Variants in VASH2 observed in about 807,000 individuals in gnomAD.
VASH2 encodes the protein tubulinyl-Tyr carboxypeptidase 2.
In VASH2, 28 loss-of-function variants were observed where a neutral mutation model predicts 37.2. The ratio of observed to expected loss-of-function variants is 0.75; its 90% CI spans 0.56 to 1.03. VASH2 has a LOEUF of 1.03. VASH2 is among the 50% of genes least tolerant of loss of function. The pLI is 0.00. For missense variants in VASH2, 419 were observed against 459.1 expected (o/e 0.91, Z 0.80); for synonymous variants, 188 against 174.7 (o/e 1.08, Z -0.60).
chr1:212,951,538 C>G lies in VASH2; in HGVS notation c.-5C>G, dbSNP rs1220428920. The G allele has an allele frequency of 6.7e-7, 1 of 1,494,770 alleles. No homozygotes were observed. Among genetic ancestry groups the G allele is most frequent in the Non-Finnish European group, 8.9e-7 (1 of 1,121,694 alleles). 92.6% of individuals were successfully genotyped at this position (1,494,770 alleles called of 1,614,324 possible). A position where few individuals can be genotyped will look rare whatever the true frequency, so the allele number is the denominator to read the frequency against. On this transcript the variant is annotated 5_prime_UTR_variant, in exon 2 of 8. Coordinates refer to ENST00000517399, the MANE Select transcript of VASH2 (RefSeq NM_001301056.2). This position sits in a 1 kb window ranked among gnomAD's most constrained non-coding sequence, Gnocchi z 4.4. The stretch of plus-strand genomic sequence containing the variant: ...CAGTACCTCGCTCCCCGCCCAGGCC[C>G]CACCATGACCGGCTCCGCGGCCGAC...
chr1:212,954,849 A>G (rs753801343), intron 2 of VASH2, among the ~76,000 whole-genome samples: 32 of 152,210 alleles, frequency 2.1e-4, no homozygotes, highest in Non-Finnish European at 3.1e-4. Context: ...GGCCCTAAAT[A>G]TAAAGAACTT....
chr1:212,982,319 C>A (rs1341960747), intron 7 of VASH2, among the ~76,000 whole-genome samples: 2 of 152,184 alleles, frequency 1.3e-5, no homozygotes, highest in African/African-American at 4.8e-5. Context: ...CAAAATGTTG[C>A]CGGAGAACCT....
intron 7 of VASH2, among the ~76,000 whole-genome samples, chr1:212,988,296 AC>A (rs1558155074): frequency 6.6e-6 from 1 of 152,224 alleles, no homozygotes; most frequent in African/African-American, 2.4e-5. Context: ...TCTGAACTCT[AC>A]ATTGAAAGTC....
chr1:212,979,217 C>T (rs1289519247), intron 7 of VASH2, among the ~76,000 whole-genome samples: 2 of 152,200 alleles, frequency 1.3e-5, no homozygotes, highest in Admixed American at 6.5e-5. Context: ...AGCTTCCACC[C>T]ATGGCCTTCG....
intron 7 of VASH2, among the ~76,000 whole-genome samples, chr1:212,978,120 T>C (rs1232574735): frequency 6.6e-6 from 1 of 152,190 alleles, no homozygotes; most frequent in Non-Finnish European, 1.5e-5. Flanking sequence ...CTCCCATGTT[T>C]GGGCCCCAGT....
chr1:212,978,402 G>A (rs574546863), intron 7 of VASH2, among the ~76,000 whole-genome samples: 11 of 152,240 alleles, frequency 7.2e-5, no homozygotes, highest in East Asian at 5.8e-4. Flanking sequence ...GGGAGTGGTC[G>A]GTCACTCGAG....
At chr1:212,969,744 C>T (rs1022946842) in intron 5 of VASH2, among the ~76,000 whole-genome samples, 3 of 152,168 alleles carry the variant, frequency 2.0e-5, no homozygotes, top group Non-Finnish European at 2.9e-5. Context: ...GCTTTCCACT[C>T]GGGGATAGTG....
intron 3 of VASH2, among the ~76,000 whole-genome samples, chr1:212,962,611 T>C (rs1449678522): frequency 1.3e-5 from 2 of 152,230 alleles, no homozygotes; most frequent in Non-Finnish European, 2.9e-5. Context: ...TGGTGTTTAC[T>C]AGATCGGAAA....
intron 5 of VASH2, among the ~76,000 whole-genome samples, chr1:212,970,998 ACT>A (rs1172116900): frequency 1.3e-5 from 2 of 151,060 alleles, no homozygotes; most frequent in East Asian, 3.9e-4. Flanking sequence ...CCACCGTTCT[ACT>A]CTCTGTCTGT....
At chr1:212,980,987 C>G (rs972628548) in intron 7 of VASH2, among the ~76,000 whole-genome samples, 4 of 152,168 alleles carry the variant, frequency 2.6e-5, no homozygotes, top group Admixed American at 6.5e-5. Context: ...TGGGCCTCAT[C>G]AGAAAAGACC....
chr1:212,974,285 C>T (rs562325170), intron 7 of VASH2, among the ~76,000 whole-genome samples: 17 of 152,244 alleles, frequency 1.1e-4, no homozygotes, highest in African/African-American at 3.1e-4. Flanking sequence ...TGCACACAAA[C>T]GGAGGGATAA....
At chr1:212,976,813 G>A (rs900813063) in intron 7 of VASH2, among the ~76,000 whole-genome samples, 2 of 152,224 alleles carry the variant, frequency 1.3e-5, no homozygotes, top group African/African-American at 2.4e-5. Flanking sequence ...TGGGAATGGG[G>A]AGAAAGACCA....
At chr1:212,977,583 G>A (rs1353840786) in intron 7 of VASH2, among the ~76,000 whole-genome samples, 1 of 152,088 alleles carries the variant, frequency 6.6e-6, no homozygotes, top group African/African-American at 2.4e-5. Context: ...GGGACATTAG[G>A]GAGAGCTTGA....
At chr1:212,970,795 C>A (rs370621625) in intron 5 of VASH2, among the ~76,000 whole-genome samples, 1 of 151,702 alleles carries the variant, frequency 6.6e-6, no homozygotes, top group Non-Finnish European at 1.5e-5. Context: ...GAGGCTGAGG[C>A]GGGAGAATCG....
intron 7 of VASH2, among the ~76,000 whole-genome samples, chr1:212,983,076 A>C (rs58711222): frequency 0.046 from 7,008 of 152,350 alleles, 246 homozygotes; most frequent in East Asian, 0.1. Flanking sequence ...CAGATGATTC[A>C]CTATCATCCA....
intron 7 of VASH2, among the ~76,000 whole-genome samples, chr1:212,985,740 AC>A (rs1667459387): frequency 6.6e-6 from 1 of 151,964 alleles, no homozygotes; most frequent in Non-Finnish European, 1.5e-5. Flanking sequence ...TGAGGTCCCC[AC>A]TCCAGCCGTC....
rs947313485 is a variant in VASH2 at position 212,989,714 on chromosome 1, G to GA, written c.*1132dup. 4 of 152,124 alleles carry GA rather than the reference G, an allele frequency of 2.6e-5. No homozygotes were observed. The highest frequency in any genetic ancestry group is 5.9e-5 in the Non-Finnish European group (4 of 68,030). 9.4% of individuals were successfully genotyped at this position (152,124 alleles called of 1,614,324 possible). On this transcript the variant is annotated 3_prime_UTR_variant, in exon 8 of 8. Coordinates refer to ENST00000517399, the MANE Select transcript of VASH2 (RefSeq NM_001301056.2). Reference sequence around the variant, plus strand: ...AGGAATGAGTATTGGAAAATATAAAGAATTAGAAAAGCAGCACTTTTTTTT... The same window carrying GA: ...AGGAATGAGTATTGGAAAATATAAAGAAATTAGAAAAGCAGCACTTTTTTTT...
rs1042921383 is a variant in VASH2, at chr1:212,967,510, C to T, written c.497+1165C>T. The T allele has an allele frequency of 3.4e-5, 36 of 1,070,388 alleles. No homozygotes were observed. In the East Asian group the frequency reaches 4.3e-4, roughly 13 times the overall value. 66.3% of individuals were successfully genotyped at this position (1,070,388 alleles called of 1,614,324 possible). A position where few individuals can be genotyped will look rare whatever the true frequency, so the allele number is the denominator to read the frequency against. ...AGGCAAGATCAGTTAGGTCCTTGAG[C>T]GCTGTGCTGAGAAATGACTTTTTTC... is the stretch of plus-strand genomic sequence containing the variant. On this transcript the variant is annotated intron_variant, in intron 5 of 7. Transcript: ENST00000517399.
chr1:212,979,181 G>C (rs1482741097), intron 7 of VASH2, among the ~76,000 whole-genome samples: 2 of 152,226 alleles, frequency 1.3e-5, no homozygotes, highest in Non-Finnish European at 2.9e-5. Context: ...GTTCCTGGAG[G>C]TATGTTTGGA....
Sources: gnomAD v4.1 joint callset for allele counts (sites outside exome capture counted in the v4.1 genomes callset) on GRCh38, gnomAD v4.1.1 for gene constraint, Gnocchi (gnomAD v3.1) non-coding constraint, MANE v1.5 for transcripts, NCBI Gene and HGNC (gene_info 2026-07-23, HGNC 2026-07-21) for gene names.